ABCA7: variants seen among roughly 807,000 people sequenced by gnomAD.
The protein encoded by ABCA7 is ATP binding cassette subfamily A member 7, also known as phospholipid-transporting ATPase ABCA7.
Under a neutral mutation model 227.6 loss-of-function variants are expected in ABCA7, and 261 were observed. The observed-to-expected ratio is 1.15, with a 90% CI of 1.04 to 1.27. The LOEUF is 1.27. ABCA7 is among the 50% of genes most tolerant of loss of function. The pLI is 0.00. For missense variants in ABCA7, 3,331 were observed against 2,924.5 expected (o/e 1.14, Z -3.21); for synonymous variants, 1,488 against 1,279.7 (o/e 1.16, Z -3.47).
intron 23 of ABCA7, among the ~76,000 whole-genome samples, 179 bp downstream of exon 23, chr19:1,052,465 A>G (rs2041762463): frequency 3.4e-4 from 1 of 2,926 alleles, no homozygotes; most frequent in South Asian, 0.025. Context: ...GGGGAGGCGA[A>G]GGGGAGGAGT....
Position 1,056,328 on chromosome 19 carries a change from A to C in ABCA7, c.4417-2A>C. On this transcript the variant is annotated splice_acceptor_variant, in intron 32 of 46. Transcript: ENST00000263094. LOFTEE classifies it high-confidence loss of function. This position sits in a 1 kb window ranked among gnomAD's most constrained non-coding sequence, Gnocchi z 4.3. The stretch of plus-strand genomic sequence containing the variant: ...GACCCTATGACCTTGACCCCCACCC[A>C]GATCTGGTTCAACAACAAAGGCTGG... The C allele has an allele frequency of 1.9e-6, 3 of 1,613,026 alleles. No homozygotes were observed. Among genetic ancestry groups the C allele is most frequent in the Non-Finnish European group, 2.5e-6 (3 of 1,179,820 alleles).
rs1426766961 is a variant in ABCA7, at chr19:1,043,257, T to C, written c.790+6T>C. The C allele has an allele frequency of 1.2e-6, 2 of 1,607,990 alleles. No homozygotes were observed. The highest frequency in any genetic ancestry group is 3.3e-5 in the Admixed American group (2 of 59,888). ...CCTGCCAGACAGCAGCCTGAGTGAGTGACTGACCTCGGTTTCCCCTCTTGG... is the reference window on the plus strand; with the variant it reads ...CCTGCCAGACAGCAGCCTGAGTGAGCGACTGACCTCGGTTTCCCCTCTTGG... On this transcript the variant is annotated splice_donor_region_variant and intron_variant, in intron 8 of 46. Transcript: ENST00000263094.
intron 18 of ABCA7, among the ~76,000 whole-genome samples, chr19:1,049,640 GAGCC>G: frequency 9.6e-3 from 1 of 104 alleles, no homozygotes; most frequent in African/African-American, 0.071. Context: ...CCCTCCCCGT[GAGCC>G]CCCCCACCAC....
Position 1,041,280 on chromosome 19 carries a change from G to A in ABCA7, c.-82G>A. 15 of 1,367,826 alleles carry A rather than the reference G, an allele frequency of 1.1e-5. No homozygotes were observed. Among genetic ancestry groups the A allele is most frequent in the Non-Finnish European group, 1.6e-5 (15 of 959,506 alleles). 84.7% of individuals were successfully genotyped at this position (1,367,826 alleles called of 1,614,324 possible). On this transcript the variant is annotated 5_prime_UTR_variant, in exon 2 of 47. Coordinates refer to ENST00000263094, the MANE Select transcript of ABCA7 (RefSeq NM_019112.4). The stretch of plus-strand genomic sequence containing the variant: ...AGGAATGAGGTTCAGAAAGGGGCAG[G>A]GAGTTGCCCGCAGCCGCACCGCACG...
chr19:1,051,957 T>C lies in ABCA7; in HGVS notation c.2978T>C (p.Leu993Pro), dbSNP rs2041678630. The change falls in exon 22 of 47, where the codon CTC (leucine) becomes CCC (proline). Residue 993 changes from leucine (L) to proline (P), a missense_variant. Coordinates refer to ENST00000263094, the MANE Select transcript of ABCA7 (RefSeq NM_019112.4). Reference protein sequence around the residue: ...LKYREGRTLILSTHHLDEAEL... With the variant: ...LKYREGRTLIPSTHHLDEAEL... ...CCGTGCCTAGGTCGCACGCTGATCC[T>C]CTCCACCCACCACCTGGATGAGGCA... 6.2e-7 allele frequency: 1 copy of C among 1,611,648 alleles called. No individual in the cohort carries two copies. Among genetic ancestry groups the C allele is most frequent in the African/African-American group, 1.3e-5 (1 of 74,882 alleles).
At position 1,054,085 on chromosome 19, in the gene ABCA7, G is replaced by T; in HGVS notation, c.3552G>T (p.Glu1184Asp). 6.2e-7 allele frequency: 1 copy of T among 1,613,312 alleles called. No individual in the cohort carries two copies. The highest frequency in any genetic ancestry group is 8.5e-7 in the Non-Finnish European group (1 of 1,179,966). ...VTLRLKMPPQ[E>D]TALENGEPAG... ...TACGGCTCAAGATGCCGCCACAGGA[G>T]ACAGCGCTGGAGAACGGGGAACCAG... Residue 1184 changes from glutamate to aspartate, a missense_variant, in exon 26 of 47, where the codon GAG becomes GAT. Coordinates refer to ENST00000263094, the MANE Select transcript of ABCA7 (RefSeq NM_019112.4). The surrounding 1 kb of genome is among the most constrained non-coding windows in gnomAD (Gnocchi z 4.8).
Position 1,058,834 on chromosome 19 carries a change from C to A in ABCA7, c.5294C>A (p.Ser1765Tyr), listed in dbSNP as rs772789164. 1.9e-6 allele frequency: 3 copies of A among 1,576,918 alleles called. No individual in the cohort carries two copies. The highest frequency in any genetic ancestry group is 2.3e-5 in the East Asian group (1 of 44,366). The change falls in exon 39 of 47, where the codon TCT (serine) becomes TAT (tyrosine). Residue 1765 changes from serine (S) to tyrosine (Y), a missense_variant. By Grantham distance (144) the Ser-to-Tyr change is moderately radical (BLOSUM62 -2). Transcript: ENST00000263094. ...SQLLPQPRVRSLPLLGEEDED... is the reference protein window; with the variant it reads ...SQLLPQPRVRYLPLLGEEDED... ...TCTGTCCCCAGGCCCAGGGTGAGGT[C>A]TCTGCCACTCCTGGGAGAGGAGGAC...
At chr19:1,049,134 C>T (rs900323216) in intron 17 of ABCA7, 129 bp downstream of exon 17, 89 of 1,120,552 alleles carry the variant, frequency 7.9e-5, no homozygotes, top group Non-Finnish European at 1.0e-4. Context: ...GAAGACACTG[C>T]GGTCCCCAAG....
chr19:1,056,467 C>T lies in ABCA7; in HGVS notation c.4554C>T (p.Asn1518=), dbSNP rs376193444. 1.4e-5 allele frequency: 23 copies of T among 1,613,444 alleles called. No individual in the cohort carries two copies. The African/African-American group carries it at 2.5e-4, about 18-fold the overall frequency. Residue 1518 remains asparagine, a synonymous_variant, in exon 33 of 47, where the codon AAC becomes AAT. Coordinates refer to ENST00000263094, the MANE Select transcript of ABCA7 (RefSeq NM_019112.4). The surrounding 1 kb of genome is among the most constrained non-coding windows in gnomAD (Gnocchi z 4.3). ...HSITTLNHPL[N]LTKEQLSEGA... is the part of the protein sequence containing the mutation. ...TCACCACACTCAACCACCCCTTGAA[C>T]CTCACCAAGGAGCAGCTGTCTGAGG...
At position 1,041,507 on chromosome 19, in the gene ABCA7, C is replaced by T; in HGVS notation, c.67-3C>T. ...CCACCGTCTCCCACCTATTCTCCCCCAGGTCCAGCTCCTGGTCGAATTGCT... is the reference window on the plus strand; with the variant it reads ...CCACCGTCTCCCACCTATTCTCCCCTAGGTCCAGCTCCTGGTCGAATTGCT... On this transcript the variant is annotated splice_region_variant and splice_polypyrimidine_tract_variant and intron_variant, in intron 2 of 46. Coordinates refer to ENST00000263094, the MANE Select transcript of ABCA7 (RefSeq NM_019112.4). 1.9e-6 allele frequency: 3 copies of T among 1,613,850 alleles called. No homozygotes were observed. Among genetic ancestry groups the T allele is most frequent in the Non-Finnish European group, 2.5e-6 (3 of 1,180,022 alleles).
intron 37 of ABCA7, 147 bp from the exon 38 acceptor site, chr19:1,058,471 C>G (rs939506268): frequency 4.2e-6 from 6 of 1,438,322 alleles, no homozygotes; most frequent in Non-Finnish European, 5.6e-6. Flanking sequence ...CAAGAGGCCT[C>G]TTCTGTTTTC....
chr19:1,060,447 A>G (rs2042583551), intron 40 of ABCA7, among the ~76,000 whole-genome samples: 1 of 151,334 alleles, frequency 6.6e-6, no homozygotes, highest in Non-Finnish European at 1.5e-5. Flanking sequence ...CTGACCTCAA[A>G]TGATCCACCC....
Position 1,054,973 on chromosome 19 carries a change from TC to T in ABCA7, c.3950+99del. The T allele has an allele frequency of 1.3e-6, 2 of 1,538,936 alleles. No individual in the cohort carries two copies. The highest frequency in any genetic ancestry group is 2.4e-5 in the South Asian group (2 of 82,722). On this transcript the variant is annotated intron_variant, in intron 29 of 46. Coordinates refer to ENST00000263094, the MANE Select transcript of ABCA7 (RefSeq NM_019112.4). The surrounding 1 kb of genome is among the most constrained non-coding windows in gnomAD (Gnocchi z 4.8). Reference sequence around the variant, plus strand: ...GGAGCCTCAGGGGGCACCTGGAGCATCCCCTGTGCCCACCTGGGAGCTGGGA... The same window carrying T: ...GGAGCCTCAGGGGGCACCTGGAGCATCCCTGTGCCCACCTGGGAGCTGGGA...
intron 24 of ABCA7, 37 bp from the exon 25 acceptor site, chr19:1,053,751 C>A: frequency 6.3e-7 from 1 of 1,596,364 alleles, no homozygotes; most frequent in Non-Finnish European, 8.5e-7. Context: ...TTCTCCCTGT[C>A]GGTGTCCAGT....
chr19:1,054,531 G>T lies in ABCA7; in HGVS notation c.3727-39G>T, dbSNP rs1275456036. The T allele has an allele frequency of 1.2e-5, 19 of 1,596,520 alleles. No individual in the cohort carries two copies. Among genetic ancestry groups the T allele is most frequent in the Non-Finnish European group, 1.5e-5 (18 of 1,169,654 alleles). ...AGGGACAGGTGCAAGCAAGCCTGGA[G>T]GGTGGATGGAAGCAGCAGCTGATGG... On this transcript the variant is annotated intron_variant, in intron 27 of 46. Coordinates refer to ENST00000263094, the MANE Select transcript of ABCA7 (RefSeq NM_019112.4). This position sits in a 1 kb window ranked among gnomAD's most constrained non-coding sequence, Gnocchi z 4.8.
rs751693728 is a variant in ABCA7 at position 1,065,302 on chromosome 19, G to A, written c.6318G>A (p.Lys2106=). Residue 2106 remains lysine, a synonymous_variant, in exon 47 of 47, where the codon AAG becomes AAA. Coordinates refer to ENST00000263094, the MANE Select transcript of ABCA7 (RefSeq NM_019112.4). ...TGTACTTCTCCAAGGACCAGGGGAA[G>A]GACGAGGACACCGAAGAGCAGAAGG... ...VFLYFSKDQG[K]DEDTEEQKEA... 44 of 1,613,436 alleles carry A rather than the reference G, an allele frequency of 2.7e-5. No individual in the cohort carries two copies. The South Asian group carries it at 4.2e-4, about 15-fold the overall frequency.
At position 1,047,216 on chromosome 19, in the gene ABCA7, C is replaced by G. The variant is rs140710007; in HGVS notation, c.1905C>G (p.Phe635Leu). ...TGGTCTTCCTGTTCTTGGCAGCCTT[C>G]GCGGTGGCCACGGTGACCCAGAGCT... ...PGVVFLFLAA[F>L]AVATVTQSFL... The change falls in exon 15 of 47, where the codon TTC becomes TTG. Residue 635 changes from phenylalanine to leucine, a missense_variant. Coordinates refer to ENST00000263094, the MANE Select transcript of ABCA7 (RefSeq NM_019112.4). 2 of 1,609,252 alleles carry G rather than the reference C, an allele frequency of 1.2e-6. No individual in the cohort carries two copies. The highest frequency in any genetic ancestry group is 1.7e-6 in the Non-Finnish European group (2 of 1,179,528).
chr19:1,041,587 C>G lies in ABCA7; in HGVS notation c.144C>G (p.Pro48=). 1 of 1,612,526 alleles carries G rather than the reference C, an allele frequency of 6.2e-7. No individual in the cohort carries two copies. The highest frequency in any genetic ancestry group is 1.7e-4 in the Middle Eastern group (1 of 6,060). ...ILVAVRHSHP[P]LEHHECHFPN... ...TGGCTGTTCGCCACTCCCACCCGCC[C>G]CTGGAGCACCATGAATGTGAGCCCC... is the stretch of plus-strand genomic sequence containing the variant. Residue 48 remains proline, a synonymous_variant, in exon 3 of 47, where the codon CCC becomes CCG. Transcript: ENST00000263094.
In ABCA7 at chr19:1,051,958, C is replaced by T; in HGVS notation, c.2979C>T (p.Leu993=). ...CGTGCCTAGGTCGCACGCTGATCCT[C>T]TCCACCCACCACCTGGATGAGGCAG... The part of the protein sequence containing the change: ...LKYREGRTLI[L]STHHLDEAEL... The change falls in exon 22 of 47, where the codon CTC becomes CTT. Residue 993 remains leucine (L), a synonymous_variant. Transcript: ENST00000263094. The T allele has an allele frequency of 5.0e-6, 8 of 1,611,870 alleles. No homozygotes were observed. The highest frequency in any genetic ancestry group is 6.8e-6 in the Non-Finnish European group (8 of 1,179,874).
Sources: allele counts gnomAD v4.1 joint callset (sites outside exome capture counted in the v4.1 genomes callset), GRCh38; gene constraint gnomAD v4.1.1; non-coding constraint Gnocchi (gnomAD v3.1); transcripts MANE v1.5; gene names NCBI Gene and HGNC (gene_info 2026-07-23, HGNC 2026-07-21).